NRXN3: variants seen among roughly 807,000 people sequenced by gnomAD.
NRXN3 encodes the protein neurexin 3, also known as neurexin III.
A neutral mutation model predicts 137.6 loss-of-function variants in NRXN3; 32 were observed. The ratio of observed to expected loss-of-function variants is 0.23; its 90% CI spans 0.18 to 0.31. The LOEUF (loss-of-function observed/expected upper bound fraction) is 0.31, where lower values mean the gene tolerates loss of function less well. Ranked by LOEUF, NRXN3 falls within the 10% of genes least tolerant of loss-of-function variation. The probability of loss-of-function intolerance (pLI) is 1.00; values close to 1 mark genes in which losing one functional copy is unlikely to be tolerated. For missense variants in NRXN3, 1,574 were observed against 2,062.5 expected, an observed-to-expected ratio of 0.76 and a Z score of 4.59; for synonymous variants, 798 against 784.5, an observed-to-expected ratio of 1.02 and a Z score of -0.29.
intron 16 of NRXN3, among the ~76,000 whole-genome samples, chr14:79,622,371 A>G (rs2098233697): frequency 6.6e-6 from 1 of 152,218 alleles, no homozygotes; most frequent in Admixed American, 6.5e-5. Flanking sequence ...GGTGGTTTAT[A>G]TAAAATTTAT....
intron 15 of NRXN3, among the ~76,000 whole-genome samples, chr14:79,283,697 C>T (rs145756807): frequency 6.6e-6 from 1 of 151,672 alleles, no homozygotes; most frequent in African/African-American, 2.4e-5. Context: ...TAATGGGAAT[C>T]TAGTAGGCTC....
chr14:79,467,489 T>A (rs755833010), intron 16 of NRXN3, 87 bp downstream of exon 16: 22 of 1,198,500 alleles, frequency 1.8e-5, no homozygotes, highest in Non-Finnish European at 2.4e-5. Context: ...ACATTCTAGA[T>A]CAATATGGCA....
At chr14:79,487,826 C>A (rs143207794) in intron 16 of NRXN3, among the ~76,000 whole-genome samples, 2 of 152,254 alleles carry the variant, frequency 1.3e-5, no homozygotes, top group African/African-American at 4.8e-5. Flanking sequence ...AGCTGGCTGG[C>A]TGGTTGTGTA....
intron 10 of NRXN3, among the ~76,000 whole-genome samples, chr14:78,881,825 A>C (rs1173727037): frequency 6.6e-6 from 1 of 151,690 alleles, no homozygotes; most frequent in Admixed American, 6.6e-5. Context: ...TTGCATAAGT[A>C]ATGAACCAAA....
Position 79,791,471 on chromosome 14 carries a change from T to A in NRXN3, c.4015-13641T>A, listed in dbSNP as rs527520762. 4.9e-4 allele frequency among the ~76,000 whole-genome samples: 72 copies of A among 146,918 alleles called. No homozygotes were observed. In the East Asian group the frequency reaches 0.012, roughly 24 times the overall value. ...TATAATAAATAATTATAATAATAATTATATATTGTAATAATTATAATTAAT... is the reference window on the plus strand; with the variant it reads ...TATAATAAATAATTATAATAATAATAATATATTGTAATAATTATAATTAAT... On this transcript the variant is annotated intron_variant, in intron 19 of 20. Coordinates refer to ENST00000335750, the MANE Select transcript of NRXN3 (RefSeq NM_001330195.2).
chr14:79,186,643 G>A (rs1437719398), intron 15 of NRXN3, among the ~76,000 whole-genome samples: 2 of 152,132 alleles, frequency 1.3e-5, no homozygotes, highest in Non-Finnish European at 2.9e-5. Context: ...CACTTGGGTG[G>A]TAGTTACATT....
rs571434693 is a variant in NRXN3, at chr14:79,649,516, G to A, written c.3445-14262G>A. Among the ~76,000 whole-genome samples, 15 of 152,198 alleles carry A rather than the reference G, an allele frequency of 9.9e-5. No homozygotes were observed. In the South Asian group the frequency reaches 3.1e-3, roughly 32 times the overall value. Reference sequence around the variant, plus strand: ...TAGGGAGTATAAGGAAGGCCCTTTGGGTAAGAGAGAAGATATTCTCTAAGC... The same window carrying A: ...TAGGGAGTATAAGGAAGGCCCTTTGAGTAAGAGAGAAGATATTCTCTAAGC... On this transcript the variant is annotated intron_variant, in intron 16 of 20. Coordinates refer to ENST00000335750, the MANE Select transcript of NRXN3 (RefSeq NM_001330195.2).
intron 15 of NRXN3, among the ~76,000 whole-genome samples, chr14:79,323,087 G>A (rs1476155716): frequency 6.6e-6 from 1 of 152,210 alleles, no homozygotes; most frequent in African/African-American, 2.4e-5. Context: ...CTGCCAGAGG[G>A]CAGTGGCGCA....
intron 16 of NRXN3, among the ~76,000 whole-genome samples, chr14:79,618,439 G>A (rs763248833): frequency 5.3e-5 from 8 of 152,028 alleles, no homozygotes; most frequent in Non-Finnish European, 1.0e-4. Context: ...AGAATATGTG[G>A]TATTTGGTTT....
intron 15 of NRXN3, among the ~76,000 whole-genome samples, chr14:79,466,197 T>G (rs1461384598): frequency 2.0e-5 from 3 of 152,208 alleles, no homozygotes; most frequent in African/African-American, 7.2e-5. Flanking sequence ...GTTTCTTGTA[T>G]CTTCTTCCTA....
At chr14:79,483,604 A>C (rs2096627964) in intron 16 of NRXN3, among the ~76,000 whole-genome samples, 1 of 152,182 alleles carries the variant, frequency 6.6e-6, no homozygotes, top group South Asian at 2.1e-4. Context: ...TCTGCAAGAG[A>C]AAAGCTGATA....
chr14:79,364,393 T>A (rs1485308493), intron 15 of NRXN3, among the ~76,000 whole-genome samples: 1 of 152,226 alleles, frequency 6.6e-6, no homozygotes, highest in Non-Finnish European at 1.5e-5. Flanking sequence ...GTAAGTATTT[T>A]TTCTTCATTC....
At chr14:78,631,458 C>T (rs114742201) in intron 4 of NRXN3, among the ~76,000 whole-genome samples, 2,327 of 152,252 alleles carry the variant, frequency 0.015, 53 homozygotes, top group African/African-American at 0.053. Flanking sequence ...TTTGTCATAA[C>T]TCGTGGATTA....
intron 4 of NRXN3, among the ~76,000 whole-genome samples, chr14:78,310,282 T>C (rs4903746): frequency 0.28 from 34,933 of 123,094 alleles, 3,859 homozygotes; most frequent in African/African-American, 0.33. Context: ...TTTTTTTTTT[T>C]CCAGACAGTG....
At chr14:79,190,801 T>C (rs1366043950) in intron 15 of NRXN3, among the ~76,000 whole-genome samples, 3 of 152,198 alleles carry the variant, frequency 2.0e-5, no homozygotes, top group African/African-American at 7.2e-5. Flanking sequence ...ATCTTATCCT[T>C]CTACTAAGTC....
rs531994293 is a variant in NRXN3, at chr14:79,273,057, C to T, written c.3263-194164C>T. Among the ~76,000 whole-genome samples the T allele has an allele frequency of 2.7e-5, 4 of 150,254 alleles. No homozygotes were observed. In the East Asian group the frequency reaches 6.0e-4, roughly 23 times the overall value. On this transcript the variant is annotated intron_variant, in intron 15 of 20. Coordinates refer to ENST00000335750, the MANE Select transcript of NRXN3 (RefSeq NM_001330195.2). The stretch of plus-strand genomic sequence containing the variant: ...CATGGTGGCTTGCGCCTGTAATTCC[C>T]GCTACTCGGGAGGATGAAAAAGGAG...
In NRXN3 at chr14:79,866,773, G is replaced by A. The variant is rs1157325201; in HGVS notation, c.*4809G>A. ...TAGAGATGTTTATCTGGGGGAAAAA[G>A]GCATAAGTCAATCTTCTTGGAGAGA... On this transcript the variant is annotated 3_prime_UTR_variant, in exon 21 of 21. Coordinates refer to ENST00000335750, the MANE Select transcript of NRXN3 (RefSeq NM_001330195.2). The A allele has an allele frequency of 6.6e-6, 1 of 152,136 alleles. No homozygotes were observed. The highest frequency in any genetic ancestry group is 6.5e-5 in the Admixed American group (1 of 15,274). 9.4% of individuals were successfully genotyped at this position (152,136 alleles called of 1,614,324 possible).
intron 15 of NRXN3, among the ~76,000 whole-genome samples, chr14:79,379,537 A>T (rs2094404914): frequency 6.6e-6 from 1 of 152,108 alleles, no homozygotes; most frequent in Non-Finnish European, 1.5e-5. Context: ...TCTCGCTTGT[A>T]TCTAAAAGGC....
chr14:78,738,489 T>C (rs2098550691), intron 8 of NRXN3, among the ~76,000 whole-genome samples: 1 of 152,170 alleles, frequency 6.6e-6, no homozygotes, highest in African/African-American at 2.4e-5. Context: ...CAGTGGTATC[T>C]GTCCGTGGCT....
Sources: allele counts gnomAD v4.1 joint callset (sites outside exome capture counted in the v4.1 genomes callset), GRCh38; gene constraint gnomAD v4.1.1; transcripts MANE v1.5; gene names NCBI Gene and HGNC (gene_info 2026-07-23, HGNC 2026-07-21).